Variants in RSRC1 observed in about 807,000 individuals in gnomAD.
RSRC1 encodes the protein serine/Arginine-related protein 53.
RSRC1 carries 39 observed loss-of-function variants against 49.1 expected under a neutral mutation model. The observed-to-expected ratio is 0.79, with a 90% CI of 0.61 to 1.04. The LOEUF (loss-of-function observed/expected upper bound fraction) is 1.04. Ranked by LOEUF, RSRC1 falls within the 50% of genes least tolerant of loss-of-function variation. The pLI is 0.00. For missense variants in RSRC1, 388 were observed against 402.4 expected (o/e 0.96, Z 0.31); for synonymous variants, 143 against 130.8 (o/e 1.09, Z -0.63).
chr3:158,266,340 A>G (rs1392224156), intron 4 of RSRC1, among the ~76,000 whole-genome samples: 1 of 152,060 alleles, frequency 6.6e-6, no homozygotes, highest in Non-Finnish European at 1.5e-5. Flanking sequence ...AAAGACATTT[A>G]AGGCTATAAA....
intron 5 of RSRC1, among the ~76,000 whole-genome samples, chr3:158,312,455 G>C (rs554440794): frequency 2.6e-5 from 4 of 152,118 alleles, no homozygotes; most frequent in Non-Finnish European, 4.4e-5. Flanking sequence ...CTGTCCTTAT[G>C]AAGTGTAATT....
At chr3:158,275,395 A>G (rs1038262649) in intron 4 of RSRC1, among the ~76,000 whole-genome samples, 1 of 152,204 alleles carries the variant, frequency 6.6e-6, no homozygotes, top group Non-Finnish European at 1.5e-5. Context: ...CCAATTTAAA[A>G]AGTCTGTACC....
chr3:158,466,115 A>G (rs1165864841), intron 7 of RSRC1, among the ~76,000 whole-genome samples: 2 of 152,112 alleles, frequency 1.3e-5, no homozygotes, highest in African/African-American at 4.8e-5. Flanking sequence ...CATAGCATCA[A>G]CCTGTTTCTC....
At chr3:158,217,770 G>GGA in intron 4 of RSRC1, among the ~76,000 whole-genome samples, 1 of 148,624 alleles carries the variant, frequency 6.7e-6, no homozygotes, top group Non-Finnish European at 1.5e-5. Context: ...GTGTGTGGGG[G>GGA]GGGAATTGTA....
At chr3:158,329,196 C>G (rs1316129688) in intron 5 of RSRC1, among the ~76,000 whole-genome samples, 1 of 152,172 alleles carries the variant, frequency 6.6e-6, no homozygotes, top group Non-Finnish European at 1.5e-5. Context: ...CCTCCTTTAG[C>G]TCTGAGAAGT....
chr3:158,344,999 G>A (rs1373521711), intron 5 of RSRC1, among the ~76,000 whole-genome samples: 2 of 151,854 alleles, frequency 1.3e-5, no homozygotes, highest in South Asian at 2.1e-4. Context: ...CTGGCGGATC[G>A]CCTGAGGTCG....
intron 4 of RSRC1, among the ~76,000 whole-genome samples, chr3:158,223,316 A>G (rs1000951448): frequency 1.3e-5 from 2 of 151,656 alleles, no homozygotes; most frequent in Non-Finnish European, 2.9e-5. Context: ...CAGACTCTGT[A>G]GGTTAGGTTC....
intron 3 of RSRC1, among the ~76,000 whole-genome samples, chr3:158,168,620 A>C (rs1348825310): frequency 6.6e-6 from 1 of 152,156 alleles, no homozygotes; most frequent in Non-Finnish European, 1.5e-5. Flanking sequence ...TGGTGGACAT[A>C]GTTGAGAAGG....
intron 3 of RSRC1, among the ~76,000 whole-genome samples, chr3:158,135,835 A>G (rs77148016): frequency 0.029 from 4,486 of 152,148 alleles, 229 homozygotes; most frequent in African/African-American, 0.1. Context: ...CTGTCTAAGG[A>G]CCCTTGAACA....
intron 6 of RSRC1, among the ~76,000 whole-genome samples, chr3:158,443,562 T>C (rs1325821535): frequency 6.6e-6 from 1 of 152,196 alleles, no homozygotes; most frequent in African/African-American, 2.4e-5. Context: ...TTGGCTAAGC[T>C]TAATGGTATG....
At chr3:158,440,869 G>GAGGC (rs1407913840) in intron 6 of RSRC1, among the ~76,000 whole-genome samples, 1 of 151,958 alleles carries the variant, frequency 6.6e-6, no homozygotes, top group Non-Finnish European at 1.5e-5. Flanking sequence ...TTGAACCCAG[G>GAGGC]AGGCAGAGCT....
intron 5 of RSRC1, among the ~76,000 whole-genome samples, chr3:158,318,382 C>A (rs979081233): frequency 6.6e-6 from 1 of 152,136 alleles, no homozygotes; most frequent in African/African-American, 2.4e-5. Flanking sequence ...ACCAAAATAT[C>A]TTTTTATTCT....
chr3:158,511,644 A>G (rs140185732), intron 7 of RSRC1, among the ~76,000 whole-genome samples: 30,398 of 151,990 alleles, frequency 0.2, 3,701 homozygotes, highest in African/African-American at 0.34. Flanking sequence ...ACCCAGTAAT[A>G]GGATGGCTGG....
At chr3:158,118,521 A>G (rs1487709544) in intron 1 of RSRC1, among the ~76,000 whole-genome samples, 8 of 149,302 alleles carry the variant, frequency 5.4e-5, no homozygotes, top group Non-Finnish European at 8.9e-5. Flanking sequence ...TATCTGTCCT[A>G]TTCTCCAAAT....
intron 3 of RSRC1, among the ~76,000 whole-genome samples, chr3:158,181,127 C>G (rs1719601880): frequency 1.3e-5 from 2 of 152,046 alleles, no homozygotes; most frequent in Non-Finnish European, 2.9e-5. Flanking sequence ...TAAAAGCTCC[C>G]CAGGTAACTG....
intron 6 of RSRC1, among the ~76,000 whole-genome samples, chr3:158,368,067 C>T (rs1483769537): frequency 6.6e-6 from 1 of 152,142 alleles, no homozygotes; most frequent in Non-Finnish European, 1.5e-5. Context: ...CAGCTAGATT[C>T]TGACAATATC....
chr3:158,192,670 A>G (rs1720315607), intron 3 of RSRC1, among the ~76,000 whole-genome samples: 2 of 152,026 alleles, frequency 1.3e-5, no homozygotes, highest in African/African-American at 2.4e-5. Flanking sequence ...TGCTATCTTC[A>G]TGTTATAGTA....
At chr3:158,133,249 G>A (rs1030840260) in intron 3 of RSRC1, among the ~76,000 whole-genome samples, 70 of 152,222 alleles carry the variant, frequency 4.6e-4, no homozygotes, top group African/African-American at 1.6e-3. Flanking sequence ...AAATGATCCA[G>A]TTGATTTTCT....
At chr3:158,445,653 A>G (rs1225952426) in intron 6 of RSRC1, among the ~76,000 whole-genome samples, 1 of 151,962 alleles carries the variant, frequency 6.6e-6, no homozygotes, top group Non-Finnish European at 1.5e-5. Flanking sequence ...TATAACAACA[A>G]CAACAACAAC....
Sources: gnomAD v4.1 joint callset for allele counts (sites outside exome capture counted in the v4.1 genomes callset) on GRCh38, gnomAD v4.1.1 for gene constraint, MANE v1.5 for transcripts, NCBI Gene and HGNC (gene_info 2026-07-23, HGNC 2026-07-21) for gene names.